DBH: variants seen among roughly 807,000 people sequenced by gnomAD.
DBH encodes dopamine beta-hydroxylase.
In DBH, 49 loss-of-function variants were observed where a neutral mutation model predicts 64.0. The observed-to-expected ratio is 0.77, with a 90% CI of 0.61 to 0.97. The LOEUF (loss-of-function observed/expected upper bound fraction) is 0.97, where lower values mean the gene tolerates loss of function less well. Ranked by LOEUF, DBH falls within the 50% of genes least tolerant of loss-of-function variation. The probability of loss-of-function intolerance (pLI) is 0.00; values close to 1 mark genes in which losing one functional copy is unlikely to be tolerated. For missense variants in DBH, 828 were observed against 826.6 expected (o/e 1.00, Z -0.02); for synonymous variants, 343 against 347.1 (o/e 0.99, Z 0.13).
intron 5 of DBH, among the ~76,000 whole-genome samples, chr9:133,644,557 C>A (rs3739886): frequency 2.6e-5 from 4 of 152,190 alleles, no homozygotes; most frequent in Non-Finnish European, 4.4e-5. Flanking sequence ...CAGCAGTGGC[C>A]CCACACCTCC....
intron 6 of DBH, among the ~76,000 whole-genome samples, chr9:133,651,261 G>A (rs563654602): frequency 7.2e-5 from 11 of 152,372 alleles, no homozygotes; most frequent in South Asian, 4.1e-4. Context: ...CAGAGGCCAC[G>A]CGCTGCTCAG....
At position 133,639,969 on chromosome 9, in the gene DBH, G is replaced by A. The variant is rs748341921; in HGVS notation, c.463G>A (p.Asp155Asn). The A allele has an allele frequency of 9.9e-6, 16 of 1,613,816 alleles. No individual in the cohort carries two copies. The East Asian group carries it at 1.1e-4, about 11-fold the overall frequency. Residue 155 changes from aspartate (D) to asparagine (N), a missense_variant, in exon 2 of 12, where the codon GAC becomes AAC. Transcript: ENST00000393056. ...TTTCAAGAGGCCCTTTGGCACCTGC[G>A]ACCCCAAGGATTACCTCATTGAAGT... ...LLFKRPFGTC[D>N]PKDYLIEDGT...
intron 6 of DBH, among the ~76,000 whole-genome samples, chr9:133,648,533 T>A (rs1449569990): frequency 2.0e-5 from 3 of 152,260 alleles, no homozygotes; most frequent in African/African-American, 7.2e-5. Context: ...GAGGCATTTT[T>A]CTGGTGATTT....
At chr9:133,637,668 G>GC (rs1832068974) in intron 1 of DBH, among the ~76,000 whole-genome samples, 1 of 152,260 alleles carries the variant, frequency 6.6e-6, no homozygotes, top group African/African-American at 2.4e-5. Context: ...GGCTGGTGGG[G>GC]CGGAGAGTCC....
rs764517520 is a variant in DBH, at chr9:133,636,471, G to T, written c.100G>T (p.Val34Leu). 13 of 1,612,914 alleles carry T rather than the reference G, an allele frequency of 8.1e-6. No individual in the cohort carries two copies. The highest frequency in any genetic ancestry group is 1.1e-5 in the Non-Finnish European group (13 of 1,179,700). Residue 34 changes from valine (V) to leucine (L), a missense_variant, in exon 1 of 12, where the codon GTG becomes TTG. By Grantham distance (32) the Val-to-Leu change is conservative (BLOSUM62 1). Transcript: ENST00000393056. ...TAVAIFLVIL[V>L]AALQGSAPRE... ...AGTGGCCATCTTCCTGGTCATCCTG[G>T]TGGCCGCACTGCAGGGCTCGGCTCC... is the stretch of plus-strand genomic sequence containing the variant.
chr9:133,652,759 C>CG lies in DBH; in HGVS notation c.1375-178dup, dbSNP rs532251773. 4.5e-3 allele frequency among the ~76,000 whole-genome samples: 679 copies of CG among 152,226 alleles called. 2 individuals are homozygous for CG. Among genetic ancestry groups the CG allele is most frequent in the Non-Finnish European group, 6.0e-3 (410 of 67,990 alleles). On this transcript the variant is annotated intron_variant, in intron 8 of 11. Transcript: ENST00000393056. ...AGGAGCTGATGGTTTATAACTTGCT[C>CG]GGGAACACTCAGCCTGTGACCTTCG...
intron 5 of DBH, among the ~76,000 whole-genome samples, chr9:133,646,753 A>G (rs2131288020): frequency 6.6e-6 from 1 of 152,048 alleles, no homozygotes; most frequent in South Asian, 2.1e-4. Flanking sequence ...CGAACTCCCA[A>G]CCTCAGGTGA....
At position 133,656,617 on chromosome 9, in the gene DBH, G is replaced by T; in HGVS notation, c.1529G>T (p.Gly510Val). 6.2e-7 allele frequency: 1 copy of T among 1,613,104 alleles called. No individual in the cohort carries two copies. The change falls in exon 10 of 12, where the codon GGC (glycine) becomes GTC (valine). Residue 510 changes from glycine to valine, a missense_variant. By Grantham distance (109) the Gly-to-Val change is moderately radical (BLOSUM62 -3). Coordinates refer to ENST00000393056, the MANE Select transcript of DBH (RefSeq NM_000787.4). ...CTCTGCAAGAGCGCTGTGGACGCCG[G>T]CTTCCTGCAGAAGTACTTCCACCTC... is the stretch of plus-strand genomic sequence containing the variant. ...LELCKSAVDA[G>V]FLQKYFHLIN...
At position 133,652,977 on chromosome 9, in the gene DBH, A is replaced by G. The variant is rs1832270173; in HGVS notation, c.1412A>G (p.Glu471Gly). The G allele has an allele frequency of 1.9e-6, 3 of 1,613,512 alleles. No homozygotes were observed. The highest frequency in any genetic ancestry group is 2.2e-5 in the East Asian group (1 of 44,866). The change falls in exon 9 of 12, where the codon GAA (glutamate) becomes GGA (glycine). Residue 471 changes from glutamate to glycine, a missense_variant. Glu to Gly is a moderately conservative substitution (Grantham distance 98). Transcript: ENST00000393056. ...ATCACCTCCTGCACGTACAACACAGAAGACCGGGAGCTGGCCACAGTGGTA... is the reference window on the plus strand; with the variant it reads ...ATCACCTCCTGCACGTACAACACAGGAGACCGGGAGCTGGCCACAGTGGTA... ...VLITSCTYNT[E>G]DRELATVGGF...
chr9:133,657,472 GGGAGAGGGAGAGA>G (rs1832346783), intron 11 of DBH, among the ~76,000 whole-genome samples: 1 of 144,926 alleles, frequency 6.9e-6, no homozygotes, highest in African/African-American at 2.7e-5. Context: ...GAGGGAGAGA[GGGAGAGGGAGAGA>G]GGAGAGAGAG....
At chr9:133,652,396 G>T in intron 8 of DBH, 112 bp downstream of exon 8, 1 of 1,334,714 alleles carries the variant, frequency 7.5e-7, no homozygotes, top group Non-Finnish European at 1.1e-6. Context: ...GGGGGAGGGA[G>T]AGCCATCCAG....
chr9:133,653,788 T>A (rs1832279530), intron 9 of DBH, among the ~76,000 whole-genome samples: 1 of 152,226 alleles, frequency 6.6e-6, no homozygotes, highest in African/African-American at 2.4e-5. Flanking sequence ...ACGTGATGCA[T>A]CACGCAGCGG....
chr9:133,649,253 T>C (rs1239051631), intron 6 of DBH, among the ~76,000 whole-genome samples: 2 of 152,226 alleles, frequency 1.3e-5, no homozygotes, highest in African/African-American at 2.4e-5. Context: ...GTTCTTCTTA[T>C]ATGATGGATG....
At chr9:133,637,408 C>T (rs1832066144) in intron 1 of DBH, among the ~76,000 whole-genome samples, 1 of 152,220 alleles carries the variant, frequency 6.6e-6, no homozygotes, top group South Asian at 2.1e-4. Context: ...GCAGGGGGTC[C>T]CCGAAGTGGG....
intron 9 of DBH, 70 bp downstream of exon 9, chr9:133,653,069 T>C (rs1832271331): frequency 1.7e-6 from 2 of 1,154,458 alleles, no homozygotes; most frequent in East Asian, 2.4e-5. Context: ...TGAGGAAGGA[T>C]GACAGGTCTT....
At chr9:133,641,347 G>A (rs146166461) in intron 2 of DBH, among the ~76,000 whole-genome samples, 260 of 152,304 alleles carry the variant, frequency 1.7e-3, no homozygotes, top group African/African-American at 4.0e-3. Context: ...CTGCTTCCCA[G>A]TGGACGAGGC....
chr9:133,637,032 G>A (rs1389145695), intron 1 of DBH, among the ~76,000 whole-genome samples: 3 of 152,154 alleles, frequency 2.0e-5, no homozygotes, highest in African/African-American at 4.8e-5. Context: ...CACCCCACAC[G>A]CGCATGAGCA....
At chr9:133,652,819 CAG>C in intron 8 of DBH, 119 bp from the exon 9 acceptor site, 1 of 749,330 alleles carries the variant, frequency 1.3e-6, no homozygotes. Flanking sequence ...TAGTGGACGA[CAG>C]GGACTGTACC....
intron 1 of DBH, among the ~76,000 whole-genome samples, chr9:133,637,052 C>T (rs1044528153): frequency 2.0e-5 from 3 of 152,200 alleles, no homozygotes; most frequent in East Asian, 1.9e-4. Context: ...ACAGACCCCA[C>T]GACCCTCGGC....
Sources: allele counts gnomAD v4.1 joint callset (sites outside exome capture counted in the v4.1 genomes callset), GRCh38; gene constraint gnomAD v4.1.1; transcripts MANE v1.5; gene names NCBI Gene and HGNC (gene_info 2026-07-23, HGNC 2026-07-21).